Variants in WDFY1 observed in about 807,000 individuals in gnomAD.
The protein encoded by WDFY1 is WD repeat and FYVE domain containing 1.
Under a neutral mutation model 56.4 loss-of-function variants are expected in WDFY1, and 32 were observed. That is an observed-to-expected ratio of 0.57 (90% confidence interval 0.43 to 0.76). WDFY1 has a LOEUF of 0.76. Among genes scored for constraint, WDFY1 ranks in the 30% least tolerant of loss-of-function variants. The probability of loss-of-function intolerance (pLI) is 0.00; values close to 1 mark genes in which losing one functional copy is unlikely to be tolerated. For missense variants in WDFY1, 480 were observed against 545.7 expected (o/e 0.88, Z 1.20); for synonymous variants, 192 against 197.3 (o/e 0.97, Z 0.23).
At chr2:223,926,314 CT>C (rs1409428812) in intron 1 of WDFY1, among the ~76,000 whole-genome samples, 2 of 152,070 alleles carry the variant, frequency 1.3e-5, no homozygotes, top group Non-Finnish European at 2.9e-5. Context: ...ACCTGGCTAA[CT>C]TTTTTAAGGC....
chr2:223,881,934 A>AT lies in WDFY1; in HGVS notation c.1064+7_1064+8insA, dbSNP rs777482753. ...GAGGCAATGAGACAAAAATATGCAA[A>AT]CACTCACTCTTCATCTTTGATGGAG... is the stretch of plus-strand genomic sequence containing the variant. On this transcript the variant is annotated splice_region_variant and intron_variant, in intron 10 of 11. Transcript: ENST00000233055. The AT allele has an allele frequency of 2.5e-6, 4 of 1,613,082 alleles. No individual in the cohort carries two copies. In the Admixed American group the frequency reaches 6.7e-5, roughly 27 times the overall value.
rs1016255415 is a variant in WDFY1, at chr2:223,934,838, T to TA, written c.137+10309dup. Among the ~76,000 whole-genome samples, 23 of 152,192 alleles carry TA rather than the reference T, an allele frequency of 1.5e-4. 1 individual carries two copies. The highest frequency in any genetic ancestry group is 1.2e-3 in the Admixed American group (18 of 15,288). ...GCCCAGCCAGAAAAAGTTTAATTAGTAAAGACAAATATGTAAATGAGTAAC... is the reference window on the plus strand; with the variant it reads ...GCCCAGCCAGAAAAAGTTTAATTAGTAAAAGACAAATATGTAAATGAGTAAC... On this transcript the variant is annotated intron_variant, in intron 1 of 11. Transcript: ENST00000233055.
At chr2:223,886,879 C>T (rs1693183078) in intron 8 of WDFY1, among the ~76,000 whole-genome samples, 1 of 151,942 alleles carries the variant, frequency 6.6e-6, no homozygotes, top group African/African-American at 2.4e-5. Flanking sequence ...CATTTTCTCT[C>T]CTATTGCATC....
At position 223,913,247 on chromosome 2, in the gene WDFY1, G is replaced by A. The variant is rs563691154; in HGVS notation, c.206-921C>T. Among the ~76,000 whole-genome samples, 8 of 149,438 alleles carry A rather than the reference G, an allele frequency of 5.4e-5. No homozygotes were observed. The South Asian group carries it at 1.1e-3, about 20-fold the overall frequency. ...AAAAAAAAAAGATAAAAGAAAAAAC[G>A]TCTTTTAAATGAAGTCACCATTTGA... On this transcript the variant is annotated intron_variant, in intron 2 of 11. Transcript: ENST00000233055.
intron 1 of WDFY1, among the ~76,000 whole-genome samples, chr2:223,940,180 G>T (rs1689276439): frequency 6.6e-6 from 1 of 152,188 alleles, no homozygotes; most frequent in African/African-American, 2.4e-5. Context: ...TTAGCTGGGT[G>T]TGGTGGCGGG....
At chr2:223,885,479 G>C (rs555681588) in intron 8 of WDFY1, among the ~76,000 whole-genome samples, 1 of 152,210 alleles carries the variant, frequency 6.6e-6, no homozygotes, top group South Asian at 2.1e-4. Flanking sequence ...TTACAGTCAC[G>C]AGCCACTGCG....
intron 5 of WDFY1, among the ~76,000 whole-genome samples, chr2:223,900,130 T>C (rs191550962): frequency 1.3e-5 from 2 of 152,320 alleles, no homozygotes; most frequent in Admixed American, 6.5e-5. Context: ...AGGAAAGCTA[T>C]TTACAGTAGG....
chr2:223,919,507 G>A (rs980462597), intron 1 of WDFY1, among the ~76,000 whole-genome samples: 4 of 152,136 alleles, frequency 2.6e-5, no homozygotes, highest in South Asian at 2.1e-4. Context: ...CATCACACTC[G>A]GCCCTTATTT....
chr2:223,880,812 C>T (rs1224819957), intron 10 of WDFY1, among the ~76,000 whole-genome samples: 3 of 148,478 alleles, frequency 2.0e-5, no homozygotes, highest in Non-Finnish European at 4.4e-5. Context: ...GATATAAAAA[C>T]AAGAATCTTC....
intron 1 of WDFY1, among the ~76,000 whole-genome samples, chr2:223,943,054 G>A (rs1303720181): frequency 6.6e-6 from 1 of 151,336 alleles, no homozygotes; most frequent in Admixed American, 6.6e-5. Context: ...GGTGGCAGGC[G>A]CCTATAGTCC....
intron 3 of WDFY1, among the ~76,000 whole-genome samples, chr2:223,910,629 CCAA>C (rs1395749646): frequency 1.3e-5 from 2 of 151,834 alleles, no homozygotes; most frequent in Non-Finnish European, 2.9e-5. Flanking sequence ...ATATAAATGA[CCAA>C]CAAGTACCTA....
intron 1 of WDFY1, among the ~76,000 whole-genome samples, chr2:223,943,964 G>T (rs1010942956): frequency 2.0e-5 from 3 of 152,240 alleles, no homozygotes; most frequent in Non-Finnish European, 4.4e-5. Flanking sequence ...AGGACTCTGT[G>T]TGCATGCCAA....
At chr2:223,897,350 G>A (rs1441925768) in intron 6 of WDFY1, among the ~76,000 whole-genome samples, 5 of 86,982 alleles carry the variant, frequency 5.7e-5, no homozygotes, top group Non-Finnish European at 8.5e-5. Flanking sequence ...TCTAAATTTC[G>A]CATATATATA....
At chr2:223,917,103 C>A (rs1195266639) in intron 2 of WDFY1, among the ~76,000 whole-genome samples, 1 of 152,030 alleles carries the variant, frequency 6.6e-6, no homozygotes, top group Non-Finnish European at 1.5e-5. Flanking sequence ...CATGAGCCAC[C>A]AAGCCCGGCC....
At chr2:223,885,834 G>A (rs1317353082) in intron 8 of WDFY1, among the ~76,000 whole-genome samples, 2 of 152,014 alleles carry the variant, frequency 1.3e-5, no homozygotes, top group Non-Finnish European at 2.9e-5. Flanking sequence ...ACAGCAGCAC[G>A]TCCCTCCCTC....
chr2:223,936,821 T>G (rs1694175004), intron 1 of WDFY1, among the ~76,000 whole-genome samples: 1 of 152,206 alleles, frequency 6.6e-6, no homozygotes, highest in African/African-American at 2.4e-5. Flanking sequence ...ATGACCAGCC[T>G]CTAACACTGA....
At chr2:223,933,233 G>A (rs1218933349) in intron 1 of WDFY1, among the ~76,000 whole-genome samples, 1 of 152,128 alleles carries the variant, frequency 6.6e-6, no homozygotes, top group African/African-American at 2.4e-5. Context: ...GACTGCTGAT[G>A]TCACCACAGG....
chr2:223,894,957 AAGGTGAAG>A (rs770981213), intron 7 of WDFY1, among the ~76,000 whole-genome samples: 4 of 152,270 alleles, frequency 2.6e-5, no homozygotes, highest in Non-Finnish European at 5.9e-5. Flanking sequence ...AAAAGAAAGC[AAGGTGAAG>A]ATGTATTTCT....
At chr2:223,944,907 G>A (rs1219707986) in intron 1 of WDFY1, among the ~76,000 whole-genome samples, 1 of 146,426 alleles carries the variant, frequency 6.8e-6, no homozygotes, top group African/African-American at 2.5e-5. Context: ...GGTGGGACAG[G>A]GGATCCGGGC....
Sources: allele counts gnomAD v4.1 joint callset (sites outside exome capture counted in the v4.1 genomes callset), GRCh38; gene constraint gnomAD v4.1.1; transcripts MANE v1.5; gene names NCBI Gene and HGNC (gene_info 2026-07-23, HGNC 2026-07-21).